The following ITGA9 variants were observed in gnomAD, a reference collection of about 807,000 sequenced individuals.
The protein encoded by ITGA9 is integrin subunit alpha 9, also known as integrin alpha-9.
ITGA9 carries 56 observed loss-of-function variants against 127.8 expected under a neutral mutation model. The observed-to-expected ratio is 0.44, with a 90% CI of 0.35 to 0.55. The LOEUF (loss-of-function observed/expected upper bound fraction) is 0.55, where lower values mean the gene tolerates loss of function less well. ITGA9 is among the 20% of genes least tolerant of loss of function. The probability of loss-of-function intolerance (pLI) is 0.00; values close to 1 mark genes in which losing one functional copy is unlikely to be tolerated. For missense variants in ITGA9, 1,196 were observed against 1,347.1 expected (o/e 0.89, Z 1.76); for synonymous variants, 508 against 514.5 (o/e 0.99, Z 0.17).
chr3:37,683,432 G>C (rs1700752221), intron 17 of ITGA9, among the ~76,000 whole-genome samples: 1 of 152,146 alleles, frequency 6.6e-6, no homozygotes, highest in South Asian at 2.1e-4. Context: ...AGACATATTT[G>C]CTTCTTTCTA....
chr3:37,589,072 C>G (rs1049363626), intron 15 of ITGA9, among the ~76,000 whole-genome samples: 1 of 152,188 alleles, frequency 6.6e-6, no homozygotes, highest in Non-Finnish European at 1.5e-5. Context: ...GATTTTTGTT[C>G]AACTGGAGCC....
chr3:37,752,262 G>A (rs1696595832), intron 23 of ITGA9, among the ~76,000 whole-genome samples: 1 of 152,218 alleles, frequency 6.6e-6, no homozygotes, highest in South Asian at 2.1e-4. Flanking sequence ...TTTGAATGGA[G>A]CAGGGCTTTC....
intron 15 of ITGA9, among the ~76,000 whole-genome samples, chr3:37,614,901 T>G (rs1198215271): frequency 6.6e-6 from 1 of 152,220 alleles, no homozygotes; most frequent in Non-Finnish European, 1.5e-5. Flanking sequence ...TACAATCATG[T>G]CATCTGCAAA....
intron 15 of ITGA9, among the ~76,000 whole-genome samples, chr3:37,553,499 T>C (rs1699398485): frequency 6.6e-6 from 1 of 152,250 alleles, no homozygotes; most frequent in Admixed American, 6.5e-5. Context: ...AGGATGTATA[T>C]TTTCTGCAGG....
At chr3:37,817,223 T>C (rs1697446023) in intron 27 of ITGA9, among the ~76,000 whole-genome samples, 1 of 152,104 alleles carries the variant, frequency 6.6e-6, no homozygotes, top group Non-Finnish European at 1.5e-5. Context: ...GTAGGACACG[T>C]CTTATATGTG....
Position 37,513,249 on chromosome 3 carries a change from T to C in ITGA9, c.898-514T>C, listed in dbSNP as rs558781176. ...AAAACAGCACCTCATTCTGTGGGCA[T>C]CAATCTATTTATCTTCCCCTTGATA... On this transcript the variant is annotated intron_variant, in intron 8 of 27. Coordinates refer to ENST00000264741, the MANE Select transcript of ITGA9 (RefSeq NM_002207.3). Among the ~76,000 whole-genome samples, 12 of 152,288 alleles carry C rather than the reference T, an allele frequency of 7.9e-5. No homozygotes were observed. In the South Asian group the frequency reaches 1.7e-3, roughly 21 times the overall value.
At chr3:37,596,139 T>G (rs1195429123) in intron 15 of ITGA9, among the ~76,000 whole-genome samples, 2 of 152,212 alleles carry the variant, frequency 1.3e-5, no homozygotes, top group Non-Finnish European at 2.9e-5. Flanking sequence ...AAGAAACATG[T>G]TACTATTAAA....
intron 15 of ITGA9, among the ~76,000 whole-genome samples, chr3:37,590,532 A>G (rs1211921372): frequency 3.9e-5 from 6 of 152,140 alleles, no homozygotes; most frequent in Non-Finnish European, 7.4e-5. Context: ...GCCAAGCCCA[A>G]ATATTTAGCT....
chr3:37,544,459 A>G (rs1284461798), intron 15 of ITGA9, among the ~76,000 whole-genome samples: 3 of 152,206 alleles, frequency 2.0e-5, no homozygotes, highest in Admixed American at 6.5e-5. Context: ...TATACTAAAA[A>G]CATTTTGCTG....
intron 14 of ITGA9, among the ~76,000 whole-genome samples, chr3:37,540,159 T>C (rs943695770): frequency 6.6e-6 from 1 of 152,206 alleles, no homozygotes. Flanking sequence ...TCTGGTAAGA[T>C]AGTCCAGTCT....
At chr3:37,513,434 ATG>A (rs1438854383) in intron 8 of ITGA9, among the ~76,000 whole-genome samples, 16 of 151,278 alleles carry the variant, frequency 1.1e-4, no homozygotes, top group African/African-American at 3.9e-4. Flanking sequence ...CTTTTTTTTT[ATG>A]TTTTTATTTT....
chr3:37,731,214 TTTTA>T (rs1011812981), intron 18 of ITGA9, among the ~76,000 whole-genome samples: 7 of 152,096 alleles, frequency 4.6e-5, no homozygotes, highest in South Asian at 2.1e-4. Context: ...GGAATCTGCA[TTTTA>T]TTTATTTATT....
At chr3:37,682,432 A>G (rs1575190796) in intron 17 of ITGA9, among the ~76,000 whole-genome samples, 1 of 151,154 alleles carries the variant, frequency 6.6e-6, no homozygotes, top group South Asian at 2.1e-4. Context: ...CATGTGGATG[A>G]CTCCTCTCTC....
At chr3:37,739,974 A>G (rs181855967) in intron 20 of ITGA9, among the ~76,000 whole-genome samples, 217 of 152,314 alleles carry the variant, frequency 1.4e-3, no homozygotes, top group African/African-American at 4.9e-3. Context: ...GCTTTTGCAA[A>G]CTGTGGATGC....
chr3:37,778,821 A>G (rs1053708565), intron 24 of ITGA9, among the ~76,000 whole-genome samples: 1 of 144,628 alleles, frequency 6.9e-6, no homozygotes, highest in Non-Finnish European at 1.5e-5. Context: ...TTCCTTTCTC[A>G]TTCTTTTCTC....
At chr3:37,493,922 C>T (rs112762346) in intron 4 of ITGA9, among the ~76,000 whole-genome samples, 6,885 of 152,246 alleles carry the variant, frequency 0.045, 436 homozygotes, top group South Asian at 0.2. Context: ...AGGAGAAAAG[C>T]TTATCTGTTA....
chr3:37,695,063 C>A (rs2125669483), intron 18 of ITGA9, among the ~76,000 whole-genome samples: 1 of 152,266 alleles, frequency 6.6e-6, no homozygotes, highest in South Asian at 2.1e-4. Context: ...CAAGGGGGAT[C>A]AGAGGTGTGA....
intron 4 of ITGA9, among the ~76,000 whole-genome samples, chr3:37,493,813 A>G (rs140090116): frequency 2.6e-4 from 40 of 152,308 alleles, no homozygotes; most frequent in African/African-American, 9.4e-4. Context: ...GCACTTGTCA[A>G]AAGTTTCCTA....
intron 24 of ITGA9, among the ~76,000 whole-genome samples, chr3:37,778,885 T>G (rs953046986): frequency 6.0e-5 from 9 of 149,810 alleles, no homozygotes; most frequent in Non-Finnish European, 8.9e-5. Flanking sequence ...TTTTTTTTTT[T>G]TTTTTTTTTT....
Sources: allele counts gnomAD v4.1 joint callset (sites outside exome capture counted in the v4.1 genomes callset), GRCh38; gene constraint gnomAD v4.1.1; transcripts MANE v1.5; gene names NCBI Gene and HGNC (gene_info 2026-07-23, HGNC 2026-07-21).